Variants in ERMP1 observed in about 807,000 individuals in gnomAD.
ERMP1 encodes Felix-ina.
ERMP1 carries 86 observed loss-of-function variants against 92.0 expected under a neutral mutation model. The ratio of observed to expected loss-of-function variants is 0.93; its 90% CI spans 0.79 to 1.12. The LOEUF is 1.12. Among genes scored for constraint, ERMP1 ranks in the 50% most tolerant of loss-of-function variants. ERMP1 has a pLI of 0.00. For synonymous variants in ERMP1, 530 were observed against 412.8 expected, an observed-to-expected ratio of 1.28 and a Z score of -3.44; for missense variants, 1,342 against 1,116.3, an observed-to-expected ratio of 1.20 and a Z score of -2.88.
chr9:5,830,641 C>A, intron 2 of ERMP1, 86 bp downstream of exon 2: 1 of 1,081,654 alleles, frequency 9.2e-7, no homozygotes, highest in South Asian at 1.6e-5. Context: ...AAAATGGTCC[C>A]CACAATTGCC....
At chr9:5,831,104 A>T in intron 1 of ERMP1, 76 bp from the exon 2 acceptor site, 1 of 1,151,318 alleles carries the variant, frequency 8.7e-7, no homozygotes, top group Non-Finnish European at 1.2e-6. Flanking sequence ...TCCACTACAC[A>T]CCCCTTCCTC....
At chr9:5,819,176 C>T (rs556617983) in intron 4 of ERMP1, among the ~76,000 whole-genome samples, 1 of 152,054 alleles carries the variant, frequency 6.6e-6, no homozygotes, top group African/African-American at 2.4e-5. Flanking sequence ...AAATATCCAT[C>T]GATGGATGAA....
In ERMP1 at chr9:5,851,696, C is replaced by A. The variant is rs1028745490; in HGVS notation, n.3199+7772G>T. Among the ~76,000 whole-genome samples, 5 of 152,278 alleles carry A rather than the reference C, an allele frequency of 3.3e-5. No individual in the cohort carries two copies. The East Asian group carries it at 5.8e-4, about 18-fold the overall frequency. ...GCTGTTAAGTCTGTGGCAGCTGGAG[C>A]TACAAAACCAAGGCCTGAAAGTTGC... On this transcript the variant is annotated intron_variant and non_coding_transcript_variant, in intron 6 of 6. Coordinates refer to the ERMP1 transcript ENST00000690753.
chr9:5,864,408 C>G (rs1830590852), intron 5 of ERMP1, among the ~76,000 whole-genome samples: 1 of 152,162 alleles, frequency 6.6e-6, no homozygotes, highest in Non-Finnish European at 1.5e-5. Flanking sequence ...CCCACTCACC[C>G]TGCAAAACCC....
upstream of ERMP1, among the ~76,000 whole-genome samples, chr9:5,837,854 G>A (rs544859630): frequency 3.8e-4 from 58 of 152,286 alleles, 1 homozygote; most frequent in Middle Eastern, 3.4e-3. Flanking sequence ...TATAATCCCA[G>A]CACTTTGGGA....
At position 5,805,181 on chromosome 9, in the gene ERMP1, C is replaced by T. The variant is rs1436384349; in HGVS notation, c.1760G>A (p.Gly587Glu). ...TGCATAAAGATAAGGAATAAACATC[C>T]CCAAAAGGTAAAAAGCAATAAATTT... ...QGKFIAFYLL[G>E]MFIPYLYALY... Residue 587 changes from glycine (G) to glutamate (E), a missense_variant, in exon 10 of 15, where the codon GGG (glycine) becomes GAG (glutamate). Coordinates refer to ENST00000339450, the MANE Select transcript of ERMP1 (RefSeq NM_024896.3). 7.5e-6 allele frequency: 12 copies of T among 1,610,032 alleles called. No individual in the cohort carries two copies. The highest frequency in any genetic ancestry group is 9.3e-6 in the Non-Finnish European group (11 of 1,178,752).
intron 6 of ERMP1, among the ~76,000 whole-genome samples, chr9:5,847,641 A>T (rs1388973468): frequency 6.6e-6 from 1 of 151,412 alleles, no homozygotes; most frequent in Non-Finnish European, 1.5e-5. Context: ...CACACCTGTA[A>T]TCCCGGCACT....
intron 5 of ERMP1, among the ~76,000 whole-genome samples, chr9:5,861,170 G>GTGTGTGTGTGTGTGT (rs1554630171): frequency 5.9e-5 from 6 of 102,078 alleles, no homozygotes; most frequent in Admixed American, 2.1e-4. Context: ...TGGCTTAGGG[G>GTGTGTGTGTGTGTGT]GTGTGTGTGT....
At chr9:5,794,499 C>T (rs1828332875) in intron 13 of ERMP1, among the ~76,000 whole-genome samples, 1 of 151,376 alleles carries the variant, frequency 6.6e-6, no homozygotes, top group African/African-American at 2.4e-5. Context: ...AATTGATAAC[C>T]CTTCAGCCAG....
chr9:5,865,944 G>C (rs1364663872), intron 5 of ERMP1, among the ~76,000 whole-genome samples: 1 of 151,708 alleles, frequency 6.6e-6, no homozygotes, highest in African/African-American at 2.4e-5. Context: ...GTTTATATCT[G>C]GGTTCTGACA....
At chr9:5,827,443 G>C (rs554981196) in intron 2 of ERMP1, among the ~76,000 whole-genome samples, 1 of 152,234 alleles carries the variant, frequency 6.6e-6, no homozygotes, top group African/African-American at 2.4e-5. Context: ...AGCTACCCAG[G>C]ACTGCAGGTT....
At chr9:5,828,422 C>T (rs1829809939) in intron 2 of ERMP1, among the ~76,000 whole-genome samples, 1 of 152,196 alleles carries the variant, frequency 6.6e-6, no homozygotes, top group Non-Finnish European at 1.5e-5. Flanking sequence ...CCAGGAAGTA[C>T]AAAGGTTGAT....
intron 2 of ERMP1, among the ~76,000 whole-genome samples, chr9:5,828,405 C>G (rs1829809603): frequency 6.6e-6 from 1 of 152,222 alleles, no homozygotes; most frequent in Non-Finnish European, 1.5e-5. Context: ...CCCACTTCCC[C>G]TTTCCACCAG....
intron 5 of ERMP1, among the ~76,000 whole-genome samples, chr9:5,859,619 G>T (rs555394454): frequency 6.6e-6 from 1 of 152,272 alleles, no homozygotes; most frequent in East Asian, 1.9e-4. Context: ...TGCCTGTCAT[G>T]GGTGAGAAAA....
chr9:5,825,030 T>G, intron 3 of ERMP1, 62 bp downstream of exon 3: 1 of 1,489,258 alleles, frequency 6.7e-7, no homozygotes, highest in Non-Finnish European at 9.3e-7. Flanking sequence ...TAAATAATAT[T>G]TAGCTATTAT....
chr9:5,857,277 C>G (rs777081927), intron 6 of ERMP1, among the ~76,000 whole-genome samples: 2 of 152,156 alleles, frequency 1.3e-5, no homozygotes, highest in Non-Finnish European at 2.9e-5. Flanking sequence ...CTGCCTTGGC[C>G]TCCCAAAGTG....
chr9:5,830,753 T>C lies in ERMP1; in HGVS notation c.614A>G (p.His205Arg). The C allele has an allele frequency of 1.2e-6, 2 of 1,612,802 alleles. No homozygotes were observed. The highest frequency in any genetic ancestry group is 1.7e-6 in the Non-Finnish European group (2 of 1,179,146). ...GAQHAVLANC[H>R]FDSVANSPGA... ...TGGTGAGTTTGCTACTGAGTCAAAATGACAATTAGCCAAGACAGCATGCTG... is the reference window on the plus strand; with the variant it reads ...TGGTGAGTTTGCTACTGAGTCAAAACGACAATTAGCCAAGACAGCATGCTG... Residue 205 changes from histidine to arginine, a missense_variant, in exon 2 of 15, where the codon CAT becomes CGT. Coordinates refer to ENST00000339450, the MANE Select transcript of ERMP1 (RefSeq NM_024896.3).
At chr9:5,832,024 T>G (rs1013598982) in intron 1 of ERMP1, among the ~76,000 whole-genome samples, 2 of 151,974 alleles carry the variant, frequency 1.3e-5, no homozygotes, top group Non-Finnish European at 2.9e-5. Flanking sequence ...TCATGAGCTT[T>G]GACACACCTG....
At position 5,833,022 on chromosome 9, in the gene ERMP1, C is replaced by G. The variant is rs755968458; in HGVS notation, c.6G>C (p.Glu2Asp). 6.5e-6 allele frequency: 10 copies of G among 1,531,048 alleles called. No individual in the cohort carries two copies. Among genetic ancestry groups the G allele is most frequent in the Admixed American group, 5.9e-5 (3 of 51,056 alleles). 94.8% of individuals were successfully genotyped at this position (1,531,048 alleles called of 1,614,324 possible). Residue 2 changes from glutamate to aspartate, a missense_variant, in exon 1 of 15, where the codon GAG (glutamate) becomes GAC (aspartate). Physicochemically the swap from Glu to Asp is conservative, Grantham distance 45 (BLOSUM62 2). Transcript: ENST00000339450. ...TCACAGCAGCCGACTCAGAACCCCA[C>G]TCCATGGCCACGAGCCTCAGCTGCC... M[E>D]WGSESAAVRR... is the part of the protein sequence containing the mutation.
Sources: gnomAD v4.1 joint callset for allele counts (sites outside exome capture counted in the v4.1 genomes callset) on GRCh38, gnomAD v4.1.1 for gene constraint, MANE v1.5 for transcripts, NCBI Gene and HGNC (gene_info 2026-07-23, HGNC 2026-07-21) for gene names.